The following PTBP2 variants were observed in gnomAD, a reference collection of about 807,000 sequenced individuals.
PTBP2 encodes polypyrimidine tract binding protein 2.
In PTBP2, 13 loss-of-function variants were observed where a neutral mutation model predicts 61.4. The ratio of observed to expected loss-of-function variants is 0.21; its 90% CI spans 0.14 to 0.34. The LOEUF (loss-of-function observed/expected upper bound fraction) is 0.34, where lower values mean the gene tolerates loss of function less well. Among genes scored for constraint, PTBP2 ranks in the 10% least tolerant of loss-of-function variants. The pLI is 1.00. For missense variants in PTBP2, 405 were observed against 642.6 expected (o/e 0.63, Z 4.00); for synonymous variants, 215 against 218.5 (o/e 0.98, Z 0.14).
At chr1:96,775,936 GA>G (rs1259829605) in intron 5 of PTBP2, among the ~76,000 whole-genome samples, 6 of 151,738 alleles carry the variant, frequency 4.0e-5, no homozygotes, top group Admixed American at 6.6e-5. Flanking sequence ...GAATAGTATT[GA>G]AAAAAATACA....
downstream of PTBP2, chr1:96,815,872 AC>A (rs1662461700): frequency 6.6e-6 from 1 of 152,190 alleles, no homozygotes; most frequent in Admixed American, 6.6e-5. Flanking sequence ...GAGGAACTCT[AC>A]CAGCATCAGA....
downstream of PTBP2, chr1:96,816,525 A>ATT (rs1662491678): frequency 6.6e-6 from 1 of 152,148 alleles, no homozygotes; most frequent in African/African-American, 2.4e-5. Flanking sequence ...TAAGGAAGAG[A>ATT]TATCTACAGT....
intron 7 of PTBP2, among the ~76,000 whole-genome samples, chr1:96,780,682 C>G (rs1177003132): frequency 6.9e-6 from 1 of 144,336 alleles, no homozygotes; most frequent in Non-Finnish European, 1.5e-5. Flanking sequence ...CCTGGGAGGC[C>G]TCACCTGCTG....
At chr1:96,822,751 T>TA (rs1441827167) in exon 14 of PTBP2, 1 of 150,286 alleles carries the variant, frequency 6.7e-6, no homozygotes, top group Non-Finnish European at 1.5e-5. Context: ...GAAAGACCCT[T>TA]ACTCAGTAAA....
At chr1:96,788,108 TA>T (rs1175319826) in intron 8 of PTBP2, among the ~76,000 whole-genome samples, 2 of 152,194 alleles carry the variant, frequency 1.3e-5, no homozygotes, top group Non-Finnish European at 2.9e-5. Context: ...ATGCCTATTT[TA>T]ATTTCTGTTA....
chr1:96,802,660 T>C (rs1661137326), intron 8 of PTBP2, among the ~76,000 whole-genome samples: 2 of 152,160 alleles, frequency 1.3e-5, no homozygotes, highest in South Asian at 4.1e-4. Flanking sequence ...AATTTGAGGC[T>C]TGGTACTGAA....
At chr1:96,732,048 C>G (rs1463714611) in intron 2 of PTBP2, among the ~76,000 whole-genome samples, 3 of 152,110 alleles carry the variant, frequency 2.0e-5, no homozygotes. Context: ...ATTAATATAT[C>G]AAGACCTATA....
chr1:96,749,699 C>T (rs931005466), intron 2 of PTBP2: 2 of 455,096 alleles, frequency 4.4e-6, no homozygotes, highest in Non-Finnish European at 8.8e-6. Context: ...AATTCACTTA[C>T]TTAGTCAATA....
intron 9 of PTBP2, among the ~76,000 whole-genome samples, chr1:96,806,208 CCT>C (rs901282855): frequency 3.4e-4 from 52 of 152,132 alleles, no homozygotes; most frequent in African/African-American, 1.2e-3. Flanking sequence ...GTCTTCATTC[CCT>C]GTCTCCATTC....
intron 2 of PTBP2, among the ~76,000 whole-genome samples, chr1:96,724,023 A>G (rs1406737040): frequency 6.6e-6 from 1 of 152,166 alleles, no homozygotes; most frequent in African/African-American, 2.4e-5. Flanking sequence ...CACATTAGAA[A>G]TGAATTACAC....
intron 1 of PTBP2, among the ~76,000 whole-genome samples, chr1:96,723,065 A>G (rs565282768): frequency 6.6e-6 from 1 of 152,320 alleles, no homozygotes; most frequent in South Asian, 2.1e-4. Flanking sequence ...AGATTTTATA[A>G]AAGTTAACAC....
intron 2 of PTBP2, among the ~76,000 whole-genome samples, chr1:96,735,916 A>G (rs1260973354): frequency 6.6e-6 from 1 of 152,160 alleles, no homozygotes; most frequent in Non-Finnish European, 1.5e-5. Flanking sequence ...CTGGACACAT[A>G]ACAGTAAAAG....
At chr1:96,801,981 A>G (rs931601384) in intron 8 of PTBP2, among the ~76,000 whole-genome samples, 4 of 151,634 alleles carry the variant, frequency 2.6e-5, no homozygotes, top group Admixed American at 1.3e-4. Context: ...GGAGGCCGAG[A>G]CGGGTGGATC....
intron 3 of PTBP2, among the ~76,000 whole-genome samples, chr1:96,753,364 A>AT (rs1654800336): frequency 6.6e-6 from 1 of 152,150 alleles, no homozygotes; most frequent in Admixed American, 6.6e-5. Flanking sequence ...AGTGCCATCT[A>AT]TAAGACTGAG....
At chr1:96,749,369 A>C (rs995376263) in intron 2 of PTBP2, among the ~76,000 whole-genome samples, 1 of 152,228 alleles carries the variant, frequency 6.6e-6, no homozygotes. Flanking sequence ...AATACATTTG[A>C]AAAGAGGTCA....
downstream of PTBP2, chr1:96,819,028 T>C (rs1384653163): frequency 6.6e-6 from 1 of 152,018 alleles, no homozygotes; most frequent in Non-Finnish European, 1.5e-5. Flanking sequence ...TCAGTATGAT[T>C]AGTGTTAAAA....
intron 2 of PTBP2, among the ~76,000 whole-genome samples, chr1:96,727,533 T>G (rs186926747): frequency 4.1e-4 from 62 of 152,318 alleles, no homozygotes; most frequent in Admixed American, 1.4e-3. Context: ...AAATTTCCAG[T>G]CCTTCCACAT....
chr1:96,804,644 A>C (rs1661333062), intron 8 of PTBP2, 156 bp from the exon 9 acceptor site: 1 of 653,742 alleles, frequency 1.5e-6, no homozygotes. Flanking sequence ...ATCAGCAAAC[A>C]ATTTTTCTAA....
At chr1:96,804,699 C>T (rs1022809290) in intron 8 of PTBP2, 101 bp from the exon 9 acceptor site, 36 of 1,210,062 alleles carry the variant, frequency 3.0e-5, no homozygotes, top group Admixed American at 1.4e-4. Flanking sequence ...AATGGTCAGC[C>T]GTAAGCCATG....
Sources: gnomAD v4.1 joint callset for allele counts (sites outside exome capture counted in the v4.1 genomes callset) on GRCh38, gnomAD v4.1.1 for gene constraint, MANE v1.5 for transcripts, NCBI Gene and HGNC (gene_info 2026-07-23, HGNC 2026-07-21) for gene names.